Variants in CMIP observed in about 807,000 individuals in gnomAD.
CMIP encodes C-Maf-inducing protein.
Under a neutral mutation model 97.3 loss-of-function variants are expected in CMIP, and 13 were observed. The ratio of observed to expected loss-of-function variants is 0.13; its 90% confidence interval spans 0.09 to 0.21. CMIP has a LOEUF of 0.21. Among genes scored for constraint, CMIP ranks in the 10% least tolerant of loss-of-function variants. The pLI, the probability that CMIP is intolerant of heterozygous loss-of-function variation, is 1.00. For missense variants in CMIP, 847 were observed against 1,024.9 expected, an observed-to-expected ratio of 0.83 and a Z score of 2.37; for synonymous variants, 538 against 436.3, an observed-to-expected ratio of 1.23 and a Z score of -2.91.
chr16:81,642,716 C>T (rs753284681), intron 3 of CMIP, among the ~76,000 whole-genome samples: 3 of 151,952 alleles, frequency 2.0e-5, no homozygotes, highest in African/African-American at 2.4e-5. Context: ...GTCAACATGG[C>T]GAAACCCTGT....
At chr16:81,510,961 C>G (rs1321784090) in intron 1 of CMIP, among the ~76,000 whole-genome samples, 1 of 152,194 alleles carries the variant, frequency 6.6e-6, no homozygotes, top group Non-Finnish European at 1.5e-5. Flanking sequence ...CTCAGGTGAT[C>G]CACCTGATTC....
chr16:81,547,319 C>T (rs150848941), intron 1 of CMIP, among the ~76,000 whole-genome samples: 34 of 152,282 alleles, frequency 2.2e-4, no homozygotes, highest in African/African-American at 8.2e-4. Flanking sequence ...GCGAGGGTGA[C>T]TCTGGAGGGG....
rs150441110 is a variant in CMIP, at chr16:81,676,206, G to A, written c.1035-2069G>A. ...TGGCTCAGCTGTGTTGAGCCCCCTCGGAGCCCACAGTAGCCTGGGTTCCAG... is the reference window on the plus strand; with the variant it reads ...TGGCTCAGCTGTGTTGAGCCCCCTCAGAGCCCACAGTAGCCTGGGTTCCAG... On this transcript the variant is annotated intron_variant, in intron 9 of 20. Transcript: ENST00000537098. Among the ~76,000 whole-genome samples the A allele has an allele frequency of 6.7e-4, 102 of 152,266 alleles. No individual in the cohort carries two copies. The South Asian group carries it at 0.017, about 25-fold the overall frequency.
intron 3 of CMIP, among the ~76,000 whole-genome samples, chr16:81,639,853 TGTG>T (rs1215344116): frequency 6.6e-6 from 1 of 152,176 alleles, no homozygotes; most frequent in Non-Finnish European, 1.5e-5. Flanking sequence ...GTGGTTTTAA[TGTG>T]TAGCCAGGGT....
intron 1 of CMIP, among the ~76,000 whole-genome samples, chr16:81,540,138 C>A (rs771060595): frequency 1.3e-5 from 2 of 152,222 alleles, no homozygotes; most frequent in African/African-American, 4.8e-5. Context: ...TCCATCCAAA[C>A]GGAAAGACGA....
intron 3 of CMIP, chr16:81,631,543 A>C (rs1290499089): frequency 1.3e-5 from 2 of 152,276 alleles, no homozygotes; most frequent in African/African-American, 4.8e-5. Flanking sequence ...CCTGACTTCT[A>C]GCAGCACAGG....
intron 1 of CMIP, chr16:81,495,595 C>G: frequency 7.8e-7 from 1 of 1,274,878 alleles, no homozygotes; most frequent in Admixed American, 2.1e-5. Context: ...CACAGACCCA[C>G]TTCTCAGAGG....
At chr16:81,511,853 C>T (rs1329663083) in intron 1 of CMIP, among the ~76,000 whole-genome samples, 1 of 152,196 alleles carries the variant, frequency 6.6e-6, no homozygotes, top group Non-Finnish European at 1.5e-5. Flanking sequence ...TGAGCCACTG[C>T]ACCTGGCCTC....
chr16:81,701,551 G>C lies in CMIP; in HGVS notation c.1756-109G>C, dbSNP rs550725316. On this transcript the variant is annotated intron_variant, in intron 15 of 20. Transcript: ENST00000537098. The stretch of plus-strand genomic sequence containing the variant: ...GCTTACACAGCCGGGGCTGCAGAAA[G>C]GGGATAGTGGGGTTGCTGGTTTTCA... 68 of 1,473,548 alleles carry C rather than the reference G, an allele frequency of 4.6e-5. 1 individual carries two copies. In the Middle Eastern group the frequency reaches 1.4e-3, roughly 30 times the overall value. 91.3% of individuals were successfully genotyped at this position (1,473,548 alleles called of 1,614,324 possible).
chr16:81,610,003 G>A (rs2091805003), intron 2 of CMIP, among the ~76,000 whole-genome samples: 1 of 152,210 alleles, frequency 6.6e-6, no homozygotes, highest in Admixed American at 6.5e-5. Context: ...GCCTAGATCT[G>A]TGCATGACAG....
chr16:81,662,606 A>G (rs1012760164), intron 6 of CMIP, among the ~76,000 whole-genome samples: 1 of 152,142 alleles, frequency 6.6e-6, no homozygotes, highest in Non-Finnish European at 1.5e-5. Flanking sequence ...ACTCCTGCCA[A>G]ATTCCAAGAT....
At chr16:81,629,841 C>G (rs757911009) in intron 3 of CMIP, among the ~76,000 whole-genome samples, 1 of 152,224 alleles carries the variant, frequency 6.6e-6, no homozygotes. Flanking sequence ...GGTTGCCCTT[C>G]GGGTCGTTCC....
At chr16:81,480,547 T>G (rs189768614) in intron 1 of CMIP, among the ~76,000 whole-genome samples, 6 of 152,194 alleles carry the variant, frequency 3.9e-5, no homozygotes, top group Non-Finnish European at 8.8e-5. Flanking sequence ...CAAAAAATAA[T>G]AATAAAATCT....
intron 1 of CMIP, among the ~76,000 whole-genome samples, chr16:81,488,415 G>C (rs1452744731): frequency 2.0e-5 from 3 of 152,176 alleles, no homozygotes; most frequent in African/African-American, 4.8e-5. Context: ...GATTAAATGA[G>C]TAATACGTAT....
In CMIP at chr16:81,652,188, A is replaced by C. The variant is rs926670817; in HGVS notation, c.478-15A>C. 3 of 1,603,964 alleles carry C rather than the reference A, an allele frequency of 1.9e-6. No individual in the cohort carries two copies. The highest frequency in any genetic ancestry group is 1.7e-4 in the Middle Eastern group (1 of 6,040). ...GTGAGTAACATGTTGCTGTCTCTTTATCTCTTTCAACCAGAAAAAGATTTA... is the reference window on the plus strand; with the variant it reads ...GTGAGTAACATGTTGCTGTCTCTTTCTCTCTTTCAACCAGAAAAAGATTTA... On this transcript the variant is annotated splice_polypyrimidine_tract_variant and intron_variant, in intron 3 of 20. Coordinates refer to ENST00000537098, the MANE Select transcript of CMIP (RefSeq NM_198390.3). The surrounding 1 kb of genome is among the most constrained non-coding windows in gnomAD (Gnocchi z 5.2).
intron 10 of CMIP, among the ~76,000 whole-genome samples, chr16:81,686,496 C>G (rs1376961701): frequency 1.3e-5 from 2 of 152,222 alleles, no homozygotes; most frequent in African/African-American, 4.8e-5. Flanking sequence ...ACCCTCTGCC[C>G]TCACATACCG....
chr16:81,650,544 G>A (rs959229853), intron 3 of CMIP, among the ~76,000 whole-genome samples: 28 of 152,170 alleles, frequency 1.8e-4, no homozygotes, highest in Non-Finnish European at 3.4e-4. Flanking sequence ...CAGTGGCAAT[G>A]AGTATATCAG....
chr16:81,550,995 C>T (rs62046628), intron 1 of CMIP, among the ~76,000 whole-genome samples: 10,443 of 137,788 alleles, frequency 0.076, 308 homozygotes, highest in East Asian at 0.15. Context: ...CACACGCACC[C>T]CAGTCCCGTC....
chr16:81,595,281 C>G (rs2091535802), intron 1 of CMIP, among the ~76,000 whole-genome samples: 1 of 152,020 alleles, frequency 6.6e-6, no homozygotes, highest in Non-Finnish European at 1.5e-5. Flanking sequence ...CACTGTCTGT[C>G]TCTATGGATT....
Sources: allele counts gnomAD v4.1 joint callset (sites outside exome capture counted in the v4.1 genomes callset), GRCh38; gene constraint gnomAD v4.1.1; non-coding constraint Gnocchi (gnomAD v3.1); transcripts MANE v1.5; gene names NCBI Gene and HGNC (gene_info 2026-07-23, HGNC 2026-07-21).